Variants in STK10 observed in about 807,000 individuals in gnomAD.
The protein encoded by STK10 is serine/threonine-protein kinase 10.
In STK10, 78 loss-of-function variants were observed where a neutral mutation model predicts 113.8. The ratio of observed to expected loss-of-function variants is 0.69; its 90% CI spans 0.57 to 0.83. The LOEUF (loss-of-function observed/expected upper bound fraction) is 0.83. Ranked by LOEUF, STK10 falls within the 40% of genes least tolerant of loss-of-function variation. The pLI, the probability that STK10 is intolerant of heterozygous loss-of-function variation, is 0.00. For synonymous variants in STK10, 465 were observed against 494.7 expected (o/e 0.94, Z 0.80); for missense variants, 1,109 against 1,280.1 (o/e 0.87, Z 2.04).
intron 2 of STK10, among the ~76,000 whole-genome samples, chr5:172,136,047 C>G (rs1303868342): frequency 2.7e-5 from 4 of 149,384 alleles, no homozygotes; most frequent in Admixed American, 6.7e-5. Context: ...AATAAACAAA[C>G]AAACAAAAGA....
At chr5:172,163,331 C>T (rs2113825011) in intron 1 of STK10, among the ~76,000 whole-genome samples, 1 of 152,274 alleles carries the variant, frequency 6.6e-6, no homozygotes, top group South Asian at 2.1e-4. Flanking sequence ...GGATCCAATT[C>T]AAGCCTTCCT....
chr5:172,111,395 A>G (rs561829519), intron 4 of STK10, among the ~76,000 whole-genome samples: 1 of 152,238 alleles, frequency 6.6e-6, no homozygotes, highest in East Asian at 1.9e-4. Flanking sequence ...CCAACGTGCA[A>G]TGACACACCG....
At chr5:172,104,487 T>C (rs533234004) in intron 7 of STK10, among the ~76,000 whole-genome samples, 2 of 152,186 alleles carry the variant, frequency 1.3e-5, no homozygotes, top group African/African-American at 4.8e-5. Context: ...TCTAAGGCAG[T>C]ACAGCCAGCT....
At chr5:172,094,450 C>G (rs1212559717) in intron 8 of STK10, among the ~76,000 whole-genome samples, 1 of 152,172 alleles carries the variant, frequency 6.6e-6, no homozygotes, top group African/African-American at 2.4e-5. Flanking sequence ...GCAACCTCCA[C>G]CTCCTGGGTT....
chr5:172,083,133 G>T, intron 10 of STK10, 49 bp from the exon 11 acceptor site: 1 of 1,609,234 alleles, frequency 6.2e-7, no homozygotes, highest in South Asian at 1.1e-5. Context: ...ACTGGCTTCA[G>T]AGATCACAAT....
At chr5:172,163,419 A>G (rs1033618765) in intron 1 of STK10, among the ~76,000 whole-genome samples, 5 of 152,212 alleles carry the variant, frequency 3.3e-5, no homozygotes, top group Admixed American at 3.3e-4. Flanking sequence ...TTTGCTAAAG[A>G]TGAATGACAA....
At chr5:172,056,446 G>A (rs1413502590) in intron 15 of STK10, among the ~76,000 whole-genome samples, 1 of 152,164 alleles carries the variant, frequency 6.6e-6, no homozygotes, top group East Asian at 1.9e-4. Flanking sequence ...TTCAGGGAAG[G>A]CTTCCCAGCA....
chr5:172,102,126 CAG>C (rs1164825938), intron 7 of STK10, among the ~76,000 whole-genome samples: 1 of 152,008 alleles, frequency 6.6e-6, no homozygotes, highest in Non-Finnish European at 1.5e-5. Context: ...CCAGACCCAA[CAG>C]AGAGGGCAGG....
intron 13 of STK10, among the ~76,000 whole-genome samples, chr5:172,061,951 T>C (rs1487231417): frequency 6.6e-6 from 1 of 152,054 alleles, no homozygotes; most frequent in East Asian, 1.9e-4. Context: ...GGTAGTTCAT[T>C]ATACCTATTC....
At chr5:172,138,836 C>T (rs1468254956) in intron 2 of STK10, among the ~76,000 whole-genome samples, 6 of 151,982 alleles carry the variant, frequency 3.9e-5, no homozygotes, top group African/African-American at 9.7e-5. Flanking sequence ...CACAGTGAAA[C>T]CCCGTCTCTA....
At chr5:172,146,338 A>T (rs749322947) in intron 2 of STK10, among the ~76,000 whole-genome samples, 22 of 152,206 alleles carry the variant, frequency 1.4e-4, no homozygotes, top group Non-Finnish European at 2.4e-4. Context: ...TGCCAGACAC[A>T]GGTAGGTATT....
In STK10 at chr5:172,144,788, C is replaced by T. The variant is rs939936826; in HGVS notation, c.321+11836G>A. On this transcript the variant is annotated intron_variant, in intron 2 of 18. Coordinates refer to ENST00000176763, the MANE Select transcript of STK10 (RefSeq NM_005990.4). ...TCCTAAGCGTGTACGTGCCATGGGG[C>T]CGGGTGGAGGGAGTCCTGCCGAGGC... Among the ~76,000 whole-genome samples the T allele has an allele frequency of 7.9e-5, 12 of 152,230 alleles. No homozygotes were observed. In the South Asian group the frequency reaches 1.5e-3, roughly 18 times the overall value.
At chr5:172,081,561 A>G (rs1672290431) in intron 12 of STK10, among the ~76,000 whole-genome samples, 1 of 152,094 alleles carries the variant, frequency 6.6e-6, no homozygotes, top group Admixed American at 6.5e-5. Flanking sequence ...GACTGCCTCA[A>G]CTGCTCAGCT....
chr5:172,131,744 T>C (rs1298266615), intron 2 of STK10, among the ~76,000 whole-genome samples: 2 of 152,108 alleles, frequency 1.3e-5, no homozygotes, highest in Admixed American at 6.6e-5. Flanking sequence ...ATACATGGGG[T>C]TTAATTAATA....
chr5:172,137,499 G>A (rs988939756), intron 2 of STK10, among the ~76,000 whole-genome samples: 1 of 151,852 alleles, frequency 6.6e-6, no homozygotes, highest in Admixed American at 6.6e-5. Context: ...AAAGCATTTG[G>A]CACAGTTAAA....
At chr5:172,057,548 T>C in intron 14 of STK10, 75 bp from the exon 15 acceptor site, 1 of 1,508,172 alleles carries the variant, frequency 6.6e-7, no homozygotes, top group East Asian at 2.5e-5. Context: ...CCCCCACCTC[T>C]GCCTGGCCTC....
intron 13 of STK10, among the ~76,000 whole-genome samples, chr5:172,062,020 C>T (rs1767948500): frequency 6.6e-6 from 1 of 150,652 alleles, no homozygotes; most frequent in South Asian, 2.1e-4. Flanking sequence ...CTCTGTCACC[C>T]AGGCTGGAGT....
At chr5:172,085,854 C>T (rs1055053884) in intron 10 of STK10, among the ~76,000 whole-genome samples, 4 of 152,112 alleles carry the variant, frequency 2.6e-5, no homozygotes, top group African/African-American at 4.8e-5. Context: ...TAGTCCAGTG[C>T]GGCACCATGC....
chr5:172,068,246 C>G (rs1768110540), intron 12 of STK10, among the ~76,000 whole-genome samples: 1 of 151,932 alleles, frequency 6.6e-6, no homozygotes, highest in Non-Finnish European at 1.5e-5. Context: ...GAGGCTGAAG[C>G]AGAGAACTGC....
Sources: gnomAD v4.1 joint callset for allele counts (sites outside exome capture counted in the v4.1 genomes callset) on GRCh38, gnomAD v4.1.1 for gene constraint, MANE v1.5 for transcripts, NCBI Gene and HGNC (gene_info 2026-07-23, HGNC 2026-07-21) for gene names.